The following CSPP1 variants were observed in gnomAD, a reference collection of about 807,000 sequenced individuals.
The protein encoded by CSPP1 is centrosome and spindle pole-associated protein 1.
CSPP1 carries 126 observed loss-of-function variants against 164.4 expected under a neutral mutation model. The observed-to-expected ratio is 0.77, with a 90% confidence interval of 0.66 to 0.89. The LOEUF (loss-of-function observed/expected upper bound fraction) is 0.89, where lower values mean the gene tolerates loss of function less well. CSPP1 is among the 40% of genes least tolerant of loss of function. The probability of loss-of-function intolerance (pLI) is 0.00; values close to 1 mark genes in which losing one functional copy is unlikely to be tolerated. For synonymous variants in CSPP1, 472 were observed against 476.7 expected, an observed-to-expected ratio of 0.99 and a Z score of 0.13; for missense variants, 1,395 against 1,449.8, an observed-to-expected ratio of 0.96 and a Z score of 0.61.
intron 24 of CSPP1, among the ~76,000 whole-genome samples, chr8:67,167,868 A>G (rs529514389): frequency 6.6e-6 from 1 of 152,172 alleles, no homozygotes; most frequent in East Asian, 2.0e-4. Flanking sequence ...GGCCAGGCAG[A>G]GATGCTCCTC....
At chr8:67,089,492 T>C (rs1469691597) in intron 4 of CSPP1, among the ~76,000 whole-genome samples, 2 of 152,224 alleles carry the variant, frequency 1.3e-5, no homozygotes, top group Non-Finnish European at 2.9e-5. Context: ...CCCACCCTCA[T>C]GGCTGATAAA....
chr8:67,116,148 G>T, intron 13 of CSPP1, 26 bp downstream of exon 13: 2 of 1,519,018 alleles, frequency 1.3e-6, no homozygotes, highest in Non-Finnish European at 1.8e-6. Flanking sequence ...TTTTGTGTTT[G>T]GGAATTAGGT....
intron 18 of CSPP1, among the ~76,000 whole-genome samples, chr8:67,151,506 C>T (rs1360061554): frequency 5.3e-5 from 8 of 152,086 alleles, no homozygotes; most frequent in East Asian, 1.9e-4. Context: ...CTAGAACTTT[C>T]GCTATCTTAG....
intron 3 of CSPP1, among the ~76,000 whole-genome samples, chr8:67,078,084 A>G (rs1033231030): frequency 3.3e-5 from 5 of 152,138 alleles, no homozygotes; most frequent in Non-Finnish European, 7.3e-5. Context: ...TTATTCCAAG[A>G]GATAATTTTT....
At chr8:67,072,180 C>G (rs1806937978) in intron 1 of CSPP1, among the ~76,000 whole-genome samples, 1 of 152,010 alleles carries the variant, frequency 6.6e-6, no homozygotes, top group Admixed American at 6.5e-5. Context: ...GTAGTCCCAG[C>G]TGCTCAGGAG....
chr8:67,172,197 T>TATA (rs1300378022), intron 24 of CSPP1, among the ~76,000 whole-genome samples: 2 of 150,388 alleles, frequency 1.3e-5, no homozygotes, highest in Admixed American at 1.3e-4. Flanking sequence ...GGTCTTGCTT[T>TATA]ATAGGCCAGG....
chr8:67,141,678 C>T (rs950890077), intron 17 of CSPP1, among the ~76,000 whole-genome samples: 9 of 152,166 alleles, frequency 5.9e-5, no homozygotes, highest in South Asian at 2.1e-4. Flanking sequence ...TGTGCCACCA[C>T]GCCCCCCTAA....
In CSPP1 at chr8:67,118,259, T is replaced by C; in HGVS notation, c.1508T>C (p.Leu503Pro). 6.2e-7 allele frequency: 1 copy of C among 1,613,642 alleles called. No homozygotes were observed. Among genetic ancestry groups the C allele is most frequent in the Non-Finnish European group, 8.5e-7 (1 of 1,179,648 alleles). ...TTCTTTTCATACAGGATTGCACCTC[T>C]GCCTCCACCTCCCCTACTACCACCT... Reference protein sequence around the residue: ...GEMVSPRIAPLPPPPLLPPLA... With the variant: ...GEMVSPRIAPPPPPPLLPPLA... Residue 503 changes from leucine (L) to proline (P), a missense_variant, in exon 14 of 31, where the codon CTG becomes CCG. Transcript: ENST00000678616.
At chr8:67,185,164 G>A (rs1289330917) in intron 28 of CSPP1, among the ~76,000 whole-genome samples, 1 of 151,708 alleles carries the variant, frequency 6.6e-6, no homozygotes, top group Non-Finnish European at 1.5e-5. Flanking sequence ...TAGTCCAAGA[G>A]CCTGGTGTGA....
In CSPP1 at chr8:67,154,963, A is replaced by C. The variant is rs187873976; in HGVS notation, c.2241+827A>C. 2.5e-3 allele frequency among the ~76,000 whole-genome samples: 374 copies of C among 152,362 alleles called. 2 individuals are homozygous for C. Among genetic ancestry groups the C allele is most frequent in the African/African-American group, 8.8e-3 (364 of 41,588 alleles). On this transcript the variant is annotated intron_variant, in intron 19 of 30. Coordinates refer to ENST00000678616, the MANE Select transcript of CSPP1 (RefSeq NM_001382391.1). ...TTGATATTATTACAGATTGTAAATA[A>C]ATAAAAATTAGATTTAAGATAATCA...
intron 24 of CSPP1, among the ~76,000 whole-genome samples, chr8:67,164,959 A>C (rs544702910): frequency 1.3e-4 from 20 of 152,284 alleles, no homozygotes; most frequent in Admixed American, 1.2e-3. Flanking sequence ...TTTTAAAAAT[A>C]AACTTTCTAT....
intron 1 of CSPP1, among the ~76,000 whole-genome samples, chr8:67,072,481 A>G (rs1378989369): frequency 1.3e-5 from 2 of 152,168 alleles, no homozygotes; most frequent in Non-Finnish European, 2.9e-5. Flanking sequence ...AAATAAAGCA[A>G]GTTTAATAAA....
chr8:67,152,753 G>A (rs575385852), intron 18 of CSPP1, among the ~76,000 whole-genome samples: 81 of 152,258 alleles, frequency 5.3e-4, no homozygotes, highest in Non-Finnish European at 8.4e-4. Context: ...ATTTTCTAGA[G>A]GGAAAAAGTA....
At chr8:67,070,788 C>A (rs1405470524) in intron 1 of CSPP1, among the ~76,000 whole-genome samples, 1 of 150,496 alleles carries the variant, frequency 6.6e-6, no homozygotes, top group Non-Finnish European at 1.5e-5. Flanking sequence ...TGCTCTGTTG[C>A]CCAGGCTGGA....
chr8:67,102,759 G>C (rs1350965557), intron 7 of CSPP1, among the ~76,000 whole-genome samples: 1 of 152,150 alleles, frequency 6.6e-6, no homozygotes, highest in South Asian at 2.1e-4. Flanking sequence ...TGATAAAAAA[G>C]TGTTAGTATA....
intron 3 of CSPP1, among the ~76,000 whole-genome samples, chr8:67,082,090 C>G (rs1809314708): frequency 6.6e-6 from 1 of 152,182 alleles, no homozygotes; most frequent in African/African-American, 2.4e-5. Context: ...CTCTGTTGCC[C>G]AGGCTGGAGT....
intron 3 of CSPP1, among the ~76,000 whole-genome samples, chr8:67,081,595 CTT>C (rs761428396): frequency 3.3e-5 from 5 of 152,168 alleles, no homozygotes; most frequent in Admixed American, 6.5e-5. Flanking sequence ...TTCTTACTAA[CTT>C]ATTATTGTTT....
At chr8:67,144,674 T>A (rs1386287771) in intron 17 of CSPP1, among the ~76,000 whole-genome samples, 1 of 152,150 alleles carries the variant, frequency 6.6e-6, no homozygotes, top group African/African-American at 2.4e-5. Context: ...CTCGAACTCC[T>A]GAGCTCAAGT....
At chr8:67,126,438 T>C (rs1393127439) in intron 15 of CSPP1, among the ~76,000 whole-genome samples, 1 of 152,240 alleles carries the variant, frequency 6.6e-6, no homozygotes, top group Non-Finnish European at 1.5e-5. Context: ...CTTTGTCATA[T>C]GTGGCCACTG....
Sources: allele counts gnomAD v4.1 joint callset (sites outside exome capture counted in the v4.1 genomes callset), GRCh38; gene constraint gnomAD v4.1.1; transcripts MANE v1.5; gene names NCBI Gene and HGNC (gene_info 2026-07-23, HGNC 2026-07-21).